EXOC6B: variants seen among roughly 807,000 people sequenced by gnomAD.
The protein encoded by EXOC6B is SEC15 homolog B.
EXOC6B carries 54 observed loss-of-function variants against 113.5 expected under a neutral mutation model. The ratio of observed to expected loss-of-function variants is 0.48; its 90% confidence interval spans 0.38 to 0.60. The LOEUF (loss-of-function observed/expected upper bound fraction) is 0.60. Ranked by LOEUF, EXOC6B falls within the 20% of genes least tolerant of loss-of-function variation. The pLI is 0.00. For missense variants in EXOC6B, 797 were observed against 977.5 expected, an observed-to-expected ratio of 0.82 and a Z score of 2.46; for synonymous variants, 357 against 339.0, an observed-to-expected ratio of 1.05 and a Z score of -0.58.
At chr2:72,728,776 A>C (rs1424157364) in intron 5 of EXOC6B, among the ~76,000 whole-genome samples, 2 of 152,178 alleles carry the variant, frequency 1.3e-5, no homozygotes, top group Non-Finnish European at 2.9e-5. Flanking sequence ...AAATATACAC[A>C]GGGAACCCAG....
chr2:72,601,461 A>G (rs1573467372), intron 6 of EXOC6B, among the ~76,000 whole-genome samples: 1 of 152,094 alleles, frequency 6.6e-6, no homozygotes, highest in Non-Finnish European at 1.5e-5. Context: ...CTGGGATTAT[A>G]TGTGTGAGCC....
chr2:72,442,750 C>T (rs1696285799), intron 18 of EXOC6B, among the ~76,000 whole-genome samples: 1 of 151,992 alleles, frequency 6.6e-6, no homozygotes, highest in Admixed American at 6.6e-5. Context: ...AACACAAATA[C>T]ATTTTTAAAA....
chr2:72,707,372 T>C (rs1678952071), intron 6 of EXOC6B, among the ~76,000 whole-genome samples: 1 of 152,102 alleles, frequency 6.6e-6, no homozygotes, highest in Non-Finnish European at 1.5e-5. Context: ...CTTATCATTT[T>C]CTACCTTATA....
At chr2:72,371,781 A>G (rs1207451948) in intron 19 of EXOC6B, among the ~76,000 whole-genome samples, 3 of 152,172 alleles carry the variant, frequency 2.0e-5, no homozygotes, top group African/African-American at 7.2e-5. Flanking sequence ...CACAACTAGG[A>G]TGCCTACTTT....
At chr2:72,536,736 C>T (rs1490722726) in intron 8 of EXOC6B, among the ~76,000 whole-genome samples, 1 of 152,116 alleles carries the variant, frequency 6.6e-6, no homozygotes, top group Non-Finnish European at 1.5e-5. Flanking sequence ...ACAATGTGGC[C>T]TCAAGTCTTG....
rs1479235102 is a variant in EXOC6B at position 72,579,502 on chromosome 2, C to T, written c.670-3834G>A. On this transcript the variant is annotated intron_variant, in intron 6 of 21. Coordinates refer to ENST00000272427, the MANE Select transcript of EXOC6B (RefSeq NM_015189.3). ...AAAATGAGATTTGGCCCAATAAAAA[C>T]TTATAAAAGACTTGACTTGAGTGCT... Among the ~76,000 whole-genome samples, 3 of 152,102 alleles carry T rather than the reference C, an allele frequency of 2.0e-5. No homozygotes were observed. In the South Asian group the frequency reaches 6.2e-4, roughly 32 times the overall value.
At chr2:72,769,691 A>C (rs1683299555) in intron 1 of EXOC6B, among the ~76,000 whole-genome samples, 1 of 152,214 alleles carries the variant, frequency 6.6e-6, no homozygotes, top group Non-Finnish European at 1.5e-5. Context: ...ACGTGCCTGT[A>C]ATCCCAGCTA....
chr2:72,746,947 T>C (rs967469191), intron 1 of EXOC6B, among the ~76,000 whole-genome samples: 1 of 152,022 alleles, frequency 6.6e-6, no homozygotes, highest in African/African-American at 2.4e-5. Context: ...CCAGGCAAGT[T>C]AAATGCCTTA....
chr2:72,694,781 T>C (rs984999427), intron 6 of EXOC6B, among the ~76,000 whole-genome samples: 1 of 152,238 alleles, frequency 6.6e-6, no homozygotes. Context: ...CAGGCTTACA[T>C]ATTGCTAAGA....
At chr2:72,374,486 A>G (rs1691231108) in intron 19 of EXOC6B, among the ~76,000 whole-genome samples, 1 of 152,178 alleles carries the variant, frequency 6.6e-6, no homozygotes, top group Non-Finnish European at 1.5e-5. Flanking sequence ...TGTAGGATCT[A>G]AAAATCAAAA....
chr2:72,375,821 G>A (rs943406633), intron 19 of EXOC6B, among the ~76,000 whole-genome samples: 1 of 152,142 alleles, frequency 6.6e-6, no homozygotes, highest in African/African-American at 2.4e-5. Flanking sequence ...AAATGAGAAA[G>A]CTAGAAATTA....
intron 20 of EXOC6B, among the ~76,000 whole-genome samples, chr2:72,319,487 A>G (rs977562609): frequency 6.6e-6 from 1 of 152,318 alleles, no homozygotes; most frequent in South Asian, 2.1e-4. Context: ...TTGTCCACCT[A>G]TAAACTCCCC....
At chr2:72,314,720 T>C (rs1687406935) in intron 20 of EXOC6B, among the ~76,000 whole-genome samples, 1 of 152,196 alleles carries the variant, frequency 6.6e-6, no homozygotes, top group African/African-American at 2.4e-5. Context: ...TCAAAAACTC[T>C]TTCTAAAATT....
chr2:72,332,831 C>T (rs1421762833), intron 20 of EXOC6B, among the ~76,000 whole-genome samples: 3 of 152,080 alleles, frequency 2.0e-5, no homozygotes, highest in African/African-American at 7.2e-5. Flanking sequence ...GTTCAGAAGC[C>T]TCCTTTTAAA....
At chr2:72,519,780 C>A (rs553510731) in intron 8 of EXOC6B, among the ~76,000 whole-genome samples, 1 of 152,052 alleles carries the variant, frequency 6.6e-6, no homozygotes, top group Non-Finnish European at 1.5e-5. Flanking sequence ...CTTCCAAGTG[C>A]CAAGTGTTTG....
intron 20 of EXOC6B, among the ~76,000 whole-genome samples, chr2:72,215,971 T>G (rs942178263): frequency 6.6e-6 from 1 of 151,630 alleles, no homozygotes; most frequent in African/African-American, 2.4e-5. Flanking sequence ...GCAGCTGTGG[T>G]GAATGGAATA....
intron 18 of EXOC6B, among the ~76,000 whole-genome samples, chr2:72,456,592 C>T (rs1402145382): frequency 6.6e-6 from 1 of 152,044 alleles, no homozygotes; most frequent in African/African-American, 2.4e-5. Context: ...TTGTTTAAAT[C>T]CTAACCCTTT....
At chr2:72,383,766 G>C (rs1691831147) in intron 18 of EXOC6B, among the ~76,000 whole-genome samples, 1 of 151,976 alleles carries the variant, frequency 6.6e-6, no homozygotes, top group African/African-American at 2.4e-5. Flanking sequence ...ATCAACAGTA[G>C]ACTGAATAAA....
intron 18 of EXOC6B, among the ~76,000 whole-genome samples, chr2:72,437,531 G>A (rs961838307): frequency 6.6e-6 from 1 of 152,194 alleles, no homozygotes; most frequent in African/African-American, 2.4e-5. Flanking sequence ...CTGTCCCAGG[G>A]AGATGGGAGT....
Sources: gnomAD v4.1 joint callset for allele counts (sites outside exome capture counted in the v4.1 genomes callset) on GRCh38, gnomAD v4.1.1 for gene constraint, MANE v1.5 for transcripts, NCBI Gene and HGNC (gene_info 2026-07-23, HGNC 2026-07-21) for gene names.